The following SSC4D variants were observed in gnomAD, a reference collection of about 807,000 sequenced individuals.
The protein encoded by SSC4D is scavenger receptor cysteine-rich domain-containing group B protein.
A neutral mutation model predicts 63.4 loss-of-function variants in SSC4D; 57 were observed. The observed-to-expected ratio is 0.90, with a 90% CI of 0.73 to 1.12. The LOEUF is 1.12. Among genes scored for constraint, SSC4D ranks in the 50% most tolerant of loss-of-function variants. The probability of loss-of-function intolerance (pLI) is 0.00; values close to 1 mark genes in which losing one functional copy is unlikely to be tolerated. For synonymous variants in SSC4D, 352 were observed against 345.4 expected (o/e 1.02, Z -0.21); for missense variants, 791 against 806.4 (o/e 0.98, Z 0.23).
In SSC4D at chr7:76,397,579, C is replaced by T. The variant is rs1209475995; in HGVS notation, c.807G>A (p.Gln269=). The change falls in exon 6 of 11, where the codon CAG becomes CAA. Residue 269 remains glutamine, a synonymous_variant. Coordinates refer to ENST00000275560, the MANE Select transcript of SSC4D (RefSeq NM_080744.2). ...EGGEPRLAAC[Q]SLGWGVHNCG... ...AGTTGTGCACACCCCAGCCCAGGCT[C>T]TGGCAGGCTGCCAGGCGGGGCTCGC... The T allele has an allele frequency of 3.7e-6, 6 of 1,609,508 alleles. No individual in the cohort carries two copies. In the African/African-American group the frequency reaches 8.0e-5, roughly 21 times the overall value.
At chr7:76,395,386 G>GAGA in intron 6 of SSC4D, 56 bp from the exon 7 acceptor site, 1 of 1,561,414 alleles carries the variant, frequency 6.4e-7, no homozygotes, top group Non-Finnish European at 8.8e-7. Context: ...TCTCTGGTCA[G>GAGA]CCATGGGCTG....
chr7:76,402,531 C>T, intron 2 of SSC4D, among the ~76,000 whole-genome samples: 1 of 152,002 alleles, frequency 6.6e-6, no homozygotes, highest in African/African-American at 2.4e-5. Context: ...GTTGCCCAGG[C>T]TGGTCTCGAA....
intron 1 of SSC4D, among the ~76,000 whole-genome samples, chr7:76,406,055 C>A (rs1968107): frequency 0.47 from 71,973 of 151,654 alleles, 17,764 homozygotes; most frequent in African/African-American, 0.59. Context: ...GTGCGATCTC[C>A]GTTCACTGCA....
chr7:76,405,091 T>G (rs1405650176), intron 1 of SSC4D, among the ~76,000 whole-genome samples: 2 of 149,406 alleles, frequency 1.3e-5, no homozygotes, highest in Admixed American at 1.3e-4. Context: ...AATTAAATTT[T>G]AAAAATACAA....
chr7:76,397,733 C>T lies in SSC4D; in HGVS notation c.653G>A (p.Trp218Ter), dbSNP rs745520133. The change falls in exon 6 of 11, where the codon TGG becomes TAG. Residue 218 changes from tryptophan to a stop codon, truncating the protein, a stop_gained. Transcript: ENST00000275560. LOFTEE classifies it high-confidence loss of function. Reference protein sequence around the residue: ...GLWGTVCDDDWGLPDAAVVCR... With the variant: ...GLWGTVCDDD ...GACCACAGCGGCATCCGGCAGCCCCCAGTCGTCGTCACACACGGTGCCCCA... is the reference window on the plus strand; with the variant it reads ...GACCACAGCGGCATCCGGCAGCCCCTAGTCGTCGTCACACACGGTGCCCCA... The T allele has an allele frequency of 6.2e-7, 1 of 1,613,338 alleles. No homozygotes were observed. The highest frequency in any genetic ancestry group is 8.5e-7 in the Non-Finnish European group (1 of 1,179,792).
intron 1 of SSC4D, among the ~76,000 whole-genome samples, chr7:76,405,405 C>T (rs575839449): frequency 1.2e-4 from 14 of 121,518 alleles, no homozygotes; most frequent in Admixed American, 6.5e-4. Flanking sequence ...TGGTTTCGAA[C>T]TCCTGACCTT....
chr7:76,393,934 A>C (rs1483268911), intron 7 of SSC4D, 30 bp from the exon 8 acceptor site: 2 of 1,574,728 alleles, frequency 1.3e-6, no homozygotes, highest in South Asian at 2.3e-5. Context: ...AGGGCGTTCG[A>C]AGGGGACGAG....
intron 6 of SSC4D, among the ~76,000 whole-genome samples, 154 bp downstream of exon 6, chr7:76,397,364 G>T (rs896006198): frequency 2.0e-5 from 3 of 152,238 alleles, no homozygotes; most frequent in Non-Finnish European, 2.9e-5. Flanking sequence ...TGAGATAGAA[G>T]TAATTTTGGA....
At chr7:76,406,475 A>G (rs1805035961) in intron 1 of SSC4D, among the ~76,000 whole-genome samples, 1 of 151,782 alleles carries the variant, frequency 6.6e-6, no homozygotes, top group Admixed American at 6.6e-5. Flanking sequence ...TTTTACTTTA[A>G]AGAATTTTTT....
intron 6 of SSC4D, among the ~76,000 whole-genome samples, chr7:76,396,012 A>G (rs955564088): frequency 8.5e-5 from 13 of 152,262 alleles, no homozygotes; most frequent in African/African-American, 2.4e-4. Flanking sequence ...CCCCTCTTAC[A>G]GAGAAAACAG....
intron 6 of SSC4D, among the ~76,000 whole-genome samples, chr7:76,396,723 A>G (rs992906126): frequency 1.2e-4 from 18 of 152,202 alleles, no homozygotes; most frequent in African/African-American, 4.3e-4. Flanking sequence ...TTAGTTTGCT[A>G]TGAGTTATGA....
At chr7:76,402,746 C>T (rs993601242) in intron 2 of SSC4D, among the ~76,000 whole-genome samples, 23 of 151,906 alleles carry the variant, frequency 1.5e-4, no homozygotes, top group Admixed American at 1.0e-3. Flanking sequence ...CTTTGCTCAC[C>T]GCAACCTCCC....
At chr7:76,394,766 TATAA>T (rs967135946) in intron 7 of SSC4D, among the ~76,000 whole-genome samples, 76 of 122,534 alleles carry the variant, frequency 6.2e-4, no homozygotes, top group African/African-American at 2.2e-3. Flanking sequence ...TATATATATA[TATAA>T]AATATGTATA....
At chr7:76,402,561 C>T (rs992103842) in intron 2 of SSC4D, among the ~76,000 whole-genome samples, 40 of 152,158 alleles carry the variant, frequency 2.6e-4, no homozygotes, top group Non-Finnish European at 5.3e-4. Flanking sequence ...TCAAGTGATC[C>T]TCCCGTCTCA....
intron 6 of SSC4D, among the ~76,000 whole-genome samples, chr7:76,395,937 C>T (rs1012060879): frequency 3.3e-5 from 5 of 152,192 alleles, no homozygotes; most frequent in Non-Finnish European, 5.9e-5. Flanking sequence ...TCAGGCGATC[C>T]GCCCATCTCG....
In SSC4D at chr7:76,398,793, GA is replaced by G; in HGVS notation, c.479del (p.Phe160SerfsTer12). ...YEDVAVLCDEFLPTQPPTRKM... is the reference protein window; with the variant it reads ...YEDVAVLCDEXLPTQPPTRKM... ...TCCTTGTTGGGGGCTGCGTTGGCAA[GA>G]ATTCTGGAAAGGAAGTGAAGTGGAT... On this transcript the variant is annotated frameshift_variant, in exon 5 of 11. Coordinates refer to ENST00000275560, the MANE Select transcript of SSC4D (RefSeq NM_080744.2). LOFTEE classifies it high-confidence loss of function. 6.2e-7 allele frequency: 1 copy of G among 1,612,372 alleles called. No homozygotes were observed. The highest frequency in any genetic ancestry group is 8.5e-7 in the Non-Finnish European group (1 of 1,178,896).
chr7:76,396,062 C>G (rs1246786749), intron 6 of SSC4D, among the ~76,000 whole-genome samples: 1 of 152,256 alleles, frequency 6.6e-6, no homozygotes, highest in Admixed American at 6.5e-5. Context: ...TTAGCAGGGG[C>G]TCTGTCAGGG....
intron 1 of SSC4D, among the ~76,000 whole-genome samples, chr7:76,405,063 C>A (rs1208676538): frequency 6.6e-6 from 1 of 151,046 alleles, no homozygotes. Context: ...GAGCAAGACT[C>A]TGCCTCAAAA....
In SSC4D at chr7:76,393,680, C is replaced by A. The variant is rs1405135121; in HGVS notation, c.1058G>T (p.Cys353Phe). 1 of 1,420,632 alleles carries A rather than the reference C, an allele frequency of 7.0e-7. No homozygotes were observed. The allele number at this position is 1,420,632 out of a possible 1,614,324, so 88.0% of individuals were successfully genotyped here. ...RLRLVGGPGP[C>F]RGRVEVLHAG... ...GTGCAACACCTCCACGCGGCCGCGGCACGGACCCGGGCCGCCCACCAGTCG... is the reference window on the plus strand; with the variant it reads ...GTGCAACACCTCCACGCGGCCGCGGAACGGACCCGGGCCGCCCACCAGTCG... The change falls in exon 9 of 11, where the codon TGC becomes TTC. Residue 353 changes from cysteine to phenylalanine, a missense_variant. Coordinates refer to ENST00000275560, the MANE Select transcript of SSC4D (RefSeq NM_080744.2).
Sources: gnomAD v4.1 joint callset for allele counts (sites outside exome capture counted in the v4.1 genomes callset) on GRCh38, gnomAD v4.1.1 for gene constraint, MANE v1.5 for transcripts, NCBI Gene and HGNC (gene_info 2026-07-23, HGNC 2026-07-21) for gene names.